CFAP77: variants seen among roughly 807,000 people sequenced by gnomAD.
The protein encoded by CFAP77 is cilia and flagella associated protein 77, also known as cilia- and flagella-associated protein 77.
CFAP77 carries 25 observed loss-of-function variants against 31.1 expected under a neutral mutation model. The observed-to-expected ratio is 0.80, with a 90% confidence interval of 0.59 to 1.12. The LOEUF is 1.12. CFAP77 is among the 50% of genes most tolerant of loss of function. CFAP77 has a pLI of 0.00. For synonymous variants in CFAP77, 151 were observed against 159.9 expected (o/e 0.94, Z 0.42); for missense variants, 377 against 397.3 (o/e 0.95, Z 0.44).
chr9:132,549,841 A>AAAAAC (rs1554750496), intron 5 of CFAP77, among the ~76,000 whole-genome samples: 1 of 150,854 alleles, frequency 6.6e-6, no homozygotes, highest in African/African-American at 2.4e-5. Flanking sequence ...TCTGTCTGAA[A>AAAAAC]AAACAAACAA....
chr9:132,459,619 GTA>G lies in CFAP77; in HGVS notation c.196-39072_196-39071del, dbSNP rs564853190. Among the ~76,000 whole-genome samples the G allele has an allele frequency of 3.5e-3, 524 of 151,698 alleles. 1 individual carries two copies. The highest frequency in any genetic ancestry group is 0.012 in the African/African-American group (476 of 41,310). ...TATATGCCTGTATATGTGTGTGTATGTATATGTGTGTATACATGTGTATGTAT... is the reference window on the plus strand; with the variant it reads ...TATATGCCTGTATATGTGTGTGTATGTATGTGTGTATACATGTGTATGTAT... On this transcript the variant is annotated intron_variant, in intron 1 of 5. Coordinates refer to ENST00000393216, the MANE Select transcript of CFAP77 (RefSeq NM_001282957.2).
At chr9:132,438,771 G>T (rs190580167) in intron 1 of CFAP77, among the ~76,000 whole-genome samples, 1 of 151,786 alleles carries the variant, frequency 6.6e-6, no homozygotes, top group African/African-American at 2.4e-5. Context: ...CTGAGCTCAA[G>T]TGATCCACCC....
chr9:132,572,191 GTTCCCCCAGGTAGCCCCTGCTCTCTGCC>G (rs889078154), intron 5 of CFAP77, among the ~76,000 whole-genome samples, 169 bp from the exon 6 acceptor site: 17 of 152,130 alleles, frequency 1.1e-4, no homozygotes, highest in Admixed American at 2.6e-4. Context: ...AGGACGAACA[GTTCCCCCAGGTAGCCCCTGCTCTCTGCC>G]TCGTGGCTCA....
chr9:132,446,428 C>T (rs1407943584), intron 1 of CFAP77, among the ~76,000 whole-genome samples: 3 of 151,832 alleles, frequency 2.0e-5, no homozygotes, highest in Admixed American at 1.3e-4. Context: ...ACCTAACTAC[C>T]GACGGTGCCT....
chr9:132,572,270 C>G, intron 5 of CFAP77, 118 bp from the exon 6 acceptor site: 1 of 1,313,488 alleles, frequency 7.6e-7, no homozygotes, highest in Non-Finnish European at 1.0e-6. Flanking sequence ...CTTCCTCCCT[C>G]TTACAGCTAT....
chr9:132,428,061 C>T (rs1034242695), intron 1 of CFAP77, among the ~76,000 whole-genome samples: 3 of 151,296 alleles, frequency 2.0e-5, no homozygotes, highest in African/African-American at 4.9e-5. Context: ...TTCAGTGGTA[C>T]AATCATAGCT....
At chr9:132,472,699 C>T (rs1016465466) in intron 1 of CFAP77, among the ~76,000 whole-genome samples, 5 of 152,090 alleles carry the variant, frequency 3.3e-5, no homozygotes, top group African/African-American at 9.7e-5. Flanking sequence ...CCGAGGAGAT[C>T]GAGGCTGCAG....
intron 1 of CFAP77, among the ~76,000 whole-genome samples, chr9:132,438,467 T>C (rs1850548509): frequency 6.7e-6 from 1 of 148,438 alleles, no homozygotes; most frequent in African/African-American, 2.5e-5. Flanking sequence ...CACATAAAAA[T>C]TTCCAAGATA....
Position 132,501,497 on chromosome 9 carries a change from G to C in CFAP77, c.524+1897G>C, listed in dbSNP as rs898602567. On this transcript the variant is annotated intron_variant, in intron 3 of 5. Coordinates refer to ENST00000393216, the MANE Select transcript of CFAP77 (RefSeq NM_001282957.2). The surrounding 1 kb of genome is among the most constrained non-coding windows in gnomAD (Gnocchi z 4.6). ...CACTGCAACCTCTGTCTCCCTTCCA[G>C]GTTCCAGTGATTCTCCTGCCTCAGC... Among the ~76,000 whole-genome samples the C allele has an allele frequency of 2.0e-5, 3 of 151,620 alleles. No individual in the cohort carries two copies. The highest frequency in any genetic ancestry group is 7.3e-5 in the African/African-American group (3 of 41,162).
intron 5 of CFAP77, among the ~76,000 whole-genome samples, chr9:132,566,950 G>A (rs1829891717): frequency 6.6e-6 from 1 of 152,130 alleles, no homozygotes. Context: ...CATACATTTG[G>A]GGGCCCACCC....
chr9:132,429,773 G>A (rs1850380651), intron 1 of CFAP77, among the ~76,000 whole-genome samples: 1 of 151,930 alleles, frequency 6.6e-6, no homozygotes, highest in Admixed American at 6.6e-5. Flanking sequence ...GGAGAATGGT[G>A]TGAACCCGGG....
chr9:132,432,533 CTTT>C (rs35812976), intron 1 of CFAP77, among the ~76,000 whole-genome samples: 79 of 138,890 alleles, frequency 5.7e-4, no homozygotes, highest in African/African-American at 1.6e-3. Context: ...TCCTTGGTTC[CTTT>C]TTTTTTTTTT....
Position 132,429,523 on chromosome 9 carries a change from A to G in CFAP77, c.195+19057A>G, listed in dbSNP as rs553299179. Among the ~76,000 whole-genome samples, 19 of 136,174 alleles carry G rather than the reference A, an allele frequency of 1.4e-4. No homozygotes were observed. The South Asian group carries it at 4.7e-3, about 34-fold the overall frequency. The allele number at this position is 136,174 out of a possible 152,430, so 89.3% of individuals were successfully genotyped here. Reference sequence around the variant, plus strand: ...ACCGCACTCTAGCCCAGGTGACAGAACGAGACTTCAACTCAAAAAAAAAAA... The same window carrying G: ...ACCGCACTCTAGCCCAGGTGACAGAGCGAGACTTCAACTCAAAAAAAAAAA... On this transcript the variant is annotated intron_variant, in intron 1 of 5. Transcript: ENST00000393216.
At chr9:132,506,807 T>C (rs530443121) in intron 3 of CFAP77, among the ~76,000 whole-genome samples, 8 of 152,262 alleles carry the variant, frequency 5.3e-5, no homozygotes, top group Admixed American at 5.2e-4. Context: ...AATGCTTCTA[T>C]CCCCGTTTTA....
At chr9:132,415,618 C>G (rs1850082937) in intron 1 of CFAP77, among the ~76,000 whole-genome samples, 1 of 152,226 alleles carries the variant, frequency 6.6e-6, no homozygotes, top group Non-Finnish European at 1.5e-5. Context: ...AAGGCCGTTC[C>G]TCCAGGAAAA....
intron 5 of CFAP77, among the ~76,000 whole-genome samples, chr9:132,544,937 C>T (rs990172470): frequency 2.0e-5 from 3 of 152,148 alleles, no homozygotes; most frequent in African/African-American, 7.2e-5. Flanking sequence ...CCCCACTCAG[C>T]CCCCTCCTCT....
At chr9:132,451,338 T>TA (rs34713934) in intron 1 of CFAP77, among the ~76,000 whole-genome samples, 112 of 131,338 alleles carry the variant, frequency 8.5e-4, no homozygotes, top group Middle Eastern at 8.0e-3. Context: ...AACTCCATCT[T>TA]AAAAAAAAAA....
rs1353928410 is a variant in CFAP77, at chr9:132,424,645, G to A, written c.195+14179G>A. ...GGGATGCTGGGATCAGGTGAGGACC[G>A]CTCAAGGAGCCTTCACTTTGGGTGT... On this transcript the variant is annotated intron_variant, in intron 1 of 5. Transcript: ENST00000393216. This position sits in a 1 kb window ranked among gnomAD's most constrained non-coding sequence, Gnocchi z 4.1. Among the ~76,000 whole-genome samples, 2 of 152,212 alleles carry A rather than the reference G, an allele frequency of 1.3e-5. No individual in the cohort carries two copies. Among genetic ancestry groups the A allele is most frequent in the Non-Finnish European group, 2.9e-5 (2 of 68,024 alleles).
chr9:132,551,651 C>T (rs973270700), intron 5 of CFAP77, among the ~76,000 whole-genome samples: 6 of 152,196 alleles, frequency 3.9e-5, no homozygotes, highest in African/African-American at 9.7e-5. Flanking sequence ...TCTCAATAAC[C>T]CCACATGGTA....
Sources: allele counts gnomAD v4.1 joint callset (sites outside exome capture counted in the v4.1 genomes callset), GRCh38; gene constraint gnomAD v4.1.1; non-coding constraint Gnocchi (gnomAD v3.1); transcripts MANE v1.5; gene names NCBI Gene and HGNC (gene_info 2026-07-23, HGNC 2026-07-21).